MCTP1: variants seen among roughly 807,000 people sequenced by gnomAD.
MCTP1 encodes the protein multiple C2 and transmembrane domain containing 1.
MCTP1 carries 69 observed loss-of-function variants against 120.6 expected under a neutral mutation model. The observed-to-expected ratio is 0.57, with a 90% CI of 0.47 to 0.70. MCTP1 has a LOEUF of 0.70. MCTP1 is among the 30% of genes least tolerant of loss of function. The pLI, the probability that MCTP1 is intolerant of heterozygous loss-of-function variation, is 0.00. For missense variants in MCTP1, 1,203 were observed against 1,248.8 expected (o/e 0.96, Z 0.55); for synonymous variants, 529 against 493.1 (o/e 1.07, Z -0.96).
At chr5:95,265,046 G>A (rs977009012) in intron 1 of MCTP1, among the ~76,000 whole-genome samples, 16 of 152,102 alleles carry the variant, frequency 1.1e-4, no homozygotes, top group Admixed American at 5.2e-4. Flanking sequence ...TGAACAGCCC[G>A]TCCCTGGTGC....
At chr5:94,938,252 GAAAGACCC>G (rs1816690311) in intron 5 of MCTP1, among the ~76,000 whole-genome samples, 1 of 152,036 alleles carries the variant, frequency 6.6e-6, no homozygotes, top group Non-Finnish European at 1.5e-5. Context: ...GTGTTTTGGG[GAAAGACCC>G]AAACCTTAAC....
At chr5:94,996,237 C>T (rs1581750813) in intron 2 of MCTP1, among the ~76,000 whole-genome samples, 1 of 152,096 alleles carries the variant, frequency 6.6e-6, no homozygotes, top group African/African-American at 2.4e-5. Context: ...AGAACATGTA[C>T]GTGATTACAC....
intron 17 of MCTP1, among the ~76,000 whole-genome samples, chr5:94,806,332 C>A (rs957699077): frequency 6.6e-6 from 1 of 152,074 alleles, no homozygotes; most frequent in Non-Finnish European, 1.5e-5. Flanking sequence ...AAACAAAAAT[C>A]TGTTCTGCTG....
chr5:95,085,829 A>C (rs1755396361), intron 1 of MCTP1, among the ~76,000 whole-genome samples: 1 of 152,088 alleles, frequency 6.6e-6, no homozygotes, highest in Non-Finnish European at 1.5e-5. Flanking sequence ...ATGAAGTCTC[A>C]ATGTTTTAAT....
chr5:94,942,337 T>C lies in MCTP1; in HGVS notation c.1061+11A>G, dbSNP rs376613717. The C allele has an allele frequency of 5.0e-6, 8 of 1,606,528 alleles. No individual in the cohort carries two copies. Among genetic ancestry groups the C allele is most frequent in the Admixed American group, 1.7e-5 (1 of 59,774 alleles). On this transcript the variant is annotated intron_variant, in intron 4 of 22. Coordinates refer to ENST00000515393, the MANE Select transcript of MCTP1 (RefSeq NM_024717.7). ...CAAGGGGTGGTGATATTACAGCAGT[T>C]CAAAAGTTACCTGTTTAACTCCAAT...
intron 2 of MCTP1, among the ~76,000 whole-genome samples, chr5:95,005,655 T>G (rs1834565834): frequency 6.6e-6 from 1 of 152,206 alleles, no homozygotes; most frequent in South Asian, 2.1e-4. Flanking sequence ...GATGAATATG[T>G]GCCTGCTTCC....
intron 17 of MCTP1, among the ~76,000 whole-genome samples, chr5:94,806,789 G>T (rs1452511915): frequency 6.6e-6 from 1 of 152,192 alleles, no homozygotes; most frequent in Non-Finnish European, 1.5e-5. Flanking sequence ...TGGATCATTA[G>T]CTCTCCAGTG....
intron 17 of MCTP1, among the ~76,000 whole-genome samples, chr5:94,819,572 T>G (rs751992449): frequency 2.6e-5 from 4 of 152,200 alleles, no homozygotes; most frequent in Non-Finnish European, 5.9e-5. Context: ...GTTTCCAATC[T>G]TTGCAGAAGT....
rs767818171 is a variant in MCTP1, at chr5:94,850,457, C to T, written c.2436+17876G>A. Among the ~76,000 whole-genome samples, 10 of 152,196 alleles carry T rather than the reference C, an allele frequency of 6.6e-5. No individual in the cohort carries two copies. The Middle Eastern group carries it at 0.014, about 207-fold the overall frequency. ...AGCTTCTGTGGTGCAAGATTGCTAC[C>T]TACAGGCTAAACTGCAGAATGACAT... On this transcript the variant is annotated intron_variant, in intron 17 of 22. Transcript: ENST00000515393.
intron 19 of MCTP1, among the ~76,000 whole-genome samples, chr5:94,767,089 T>C (rs193178528): frequency 1.3e-5 from 2 of 152,318 alleles, no homozygotes; most frequent in African/African-American, 4.8e-5. Context: ...AAGTTGGATT[T>C]ATCTGAGGCA....
rs536297068 is a variant in MCTP1, at chr5:94,940,627, T to C, written c.1062-432A>G. Among the ~76,000 whole-genome samples the C allele has an allele frequency of 6.4e-3, 899 of 140,472 alleles. 10 individuals are homozygous for C. The highest frequency in any genetic ancestry group is 0.024 in the African/African-American group (863 of 36,674). The allele number at this position is 140,472 out of a possible 152,430, so 92.2% of individuals were successfully genotyped here. On this transcript the variant is annotated intron_variant, in intron 4 of 22. Coordinates refer to ENST00000515393, the MANE Select transcript of MCTP1 (RefSeq NM_024717.7). Reference sequence around the variant, plus strand: ...ATATACATATATATGTGTATATATATACACATATACATACACACACATATA... The same window carrying C: ...ATATACATATATATGTGTATATATACACACATATACATACACACACATATA...
chr5:95,274,194 T>C (rs1276155545), intron 1 of MCTP1, among the ~76,000 whole-genome samples: 2 of 152,192 alleles, frequency 1.3e-5, no homozygotes, highest in Non-Finnish European at 2.9e-5. Flanking sequence ...TGACTTCCCA[T>C]TTTTTGCATA....
chr5:94,890,430 G>T (rs1261981953), intron 11 of MCTP1, among the ~76,000 whole-genome samples: 2 of 152,058 alleles, frequency 1.3e-5, no homozygotes, highest in Non-Finnish European at 2.9e-5. Context: ...TTTGGAAATT[G>T]CATGGGTTAG....
intron 1 of MCTP1, among the ~76,000 whole-genome samples, chr5:95,115,786 T>A (rs955646782): frequency 6.6e-6 from 1 of 152,102 alleles, no homozygotes; most frequent in Non-Finnish European, 1.5e-5. Context: ...AAGAAGGTTA[T>A]AGAATACCAA....
At chr5:95,110,449 G>A (rs1757372321) in intron 1 of MCTP1, among the ~76,000 whole-genome samples, 1 of 152,080 alleles carries the variant, frequency 6.6e-6, no homozygotes. Context: ...AAGATATCTA[G>A]TAAGCAGCAC....
At chr5:95,072,449 T>C (rs749917486) in intron 1 of MCTP1, among the ~76,000 whole-genome samples, 5 of 152,198 alleles carry the variant, frequency 3.3e-5, no homozygotes, top group African/African-American at 2.4e-5. Context: ...CTGTCTCACA[T>C]GAATTGATGG....
chr5:94,871,568 C>T, intron 13 of MCTP1, 151 bp from the exon 14 acceptor site: 1 of 616,404 alleles, frequency 1.6e-6, no homozygotes. Flanking sequence ...AGCTTGGTAT[C>T]TGACAGAATT....
chr5:94,936,997 G>T (rs1429844617), intron 5 of MCTP1, among the ~76,000 whole-genome samples: 4 of 151,956 alleles, frequency 2.6e-5, no homozygotes, highest in Non-Finnish European at 5.9e-5. Flanking sequence ...TAGCCACACT[G>T]GTTACCCTTC....
At chr5:95,097,026 T>A (rs1582240947) in intron 1 of MCTP1, among the ~76,000 whole-genome samples, 1 of 152,180 alleles carries the variant, frequency 6.6e-6, no homozygotes, top group Non-Finnish European at 1.5e-5. Flanking sequence ...AGATTCCTAT[T>A]CTATCATGAA....
Sources: allele counts gnomAD v4.1 joint callset (sites outside exome capture counted in the v4.1 genomes callset), GRCh38; gene constraint gnomAD v4.1.1; transcripts MANE v1.5; gene names NCBI Gene and HGNC (gene_info 2026-07-23, HGNC 2026-07-21).